The following GALNT9 variants were observed in gnomAD, a reference collection of about 807,000 sequenced individuals.
The protein encoded by GALNT9 is polypeptide N-acetylgalactosaminyltransferase 9.
In GALNT9, 47 loss-of-function variants were observed where a neutral mutation model predicts 63.1. The ratio of observed to expected loss-of-function variants is 0.75; its 90% CI spans 0.59 to 0.95. GALNT9 has a LOEUF of 0.95. Ranked by LOEUF, GALNT9 falls within the 40% of genes least tolerant of loss-of-function variation. The probability of loss-of-function intolerance (pLI) is 0.00; values close to 1 mark genes in which losing one functional copy is unlikely to be tolerated. For synonymous variants in GALNT9, 396 were observed against 365.7 expected, an observed-to-expected ratio of 1.08 and a Z score of -0.94; for missense variants, 829 against 874.8, an observed-to-expected ratio of 0.95 and a Z score of 0.66.
At chr12:132,302,944 A>AG (rs1172766818) in intron 1 of GALNT9, among the ~76,000 whole-genome samples, 2 of 149,592 alleles carry the variant, frequency 1.3e-5, no homozygotes, top group Non-Finnish European at 3.0e-5. Context: ...TTCTATGCAG[A>AG]GGGACCACTC....
At chr12:132,293,837 A>G (rs1447125988) in intron 1 of GALNT9, among the ~76,000 whole-genome samples, 9 of 151,626 alleles carry the variant, frequency 5.9e-5, no homozygotes, top group African/African-American at 2.2e-4. Context: ...AAGCCGGGGG[A>G]TCCCGTGTAG....
intron 1 of GALNT9, among the ~76,000 whole-genome samples, chr12:132,304,391 G>A (rs1179278472): frequency 2.8e-5 from 3 of 108,188 alleles, no homozygotes. Flanking sequence ...ACCCTCACCG[G>A]GGCACACCCT....
intron 2 of GALNT9, among the ~76,000 whole-genome samples, chr12:132,267,635 T>C (rs924731030): frequency 2.0e-5 from 3 of 152,218 alleles, no homozygotes; most frequent in Non-Finnish European, 4.4e-5. Context: ...ACCACAGCCA[T>C]TGGCAGGGCA....
chr12:132,244,711 G>A (rs1555237849), intron 6 of GALNT9, among the ~76,000 whole-genome samples: 1 of 41,710 alleles, frequency 2.4e-5, no homozygotes, highest in Non-Finnish European at 4.3e-5. Context: ...ACGGGGGGGC[G>A]TGGTGATGGG....
chr12:132,293,353 G>A (rs1566015812), intron 1 of GALNT9, among the ~76,000 whole-genome samples: 1 of 152,236 alleles, frequency 6.6e-6, no homozygotes, highest in Non-Finnish European at 1.5e-5. Flanking sequence ...GGAGCCTCTG[G>A]CCACAGGCTT....
At chr12:132,271,999 G>C (rs1879884026) in intron 2 of GALNT9, among the ~76,000 whole-genome samples, 1 of 152,108 alleles carries the variant, frequency 6.6e-6, no homozygotes, top group Non-Finnish European at 1.5e-5. Flanking sequence ...CCAGTCACCA[G>C]CCACTGCCAG....
rs1555245655 is a variant in GALNT9, at chr12:132,316,006, G to C, written c.238+12960C>G. 1.3e-5 allele frequency among the ~76,000 whole-genome samples: 2 copies of C among 152,212 alleles called. No individual in the cohort carries two copies. The highest frequency in any genetic ancestry group is 2.4e-5 in the African/African-American group (1 of 41,454). On this transcript the variant is annotated intron_variant, in intron 1 of 10. Coordinates refer to ENST00000328957, the MANE Select transcript of GALNT9 (RefSeq NM_001122636.2). The surrounding 1 kb of genome is among the most constrained non-coding windows in gnomAD (Gnocchi z 4.3). The stretch of plus-strand genomic sequence containing the variant: ...GTGGGGACGCGGGGTCCTGGAGAGG[G>C]CACGGCAGGCAGGCAGCCCCCGAAA...
rs1051727672 is a variant in GALNT9 at position 132,236,228 on chromosome 12, C to T, written c.1077+11682G>A. Among the ~76,000 whole-genome samples the T allele has an allele frequency of 1.5e-4, 23 of 151,812 alleles. No homozygotes were observed. Among genetic ancestry groups the T allele is most frequent in the African/African-American group, 3.9e-4 (16 of 41,408 alleles). On this transcript the variant is annotated intron_variant, in intron 6 of 10. Coordinates refer to ENST00000328957, the MANE Select transcript of GALNT9 (RefSeq NM_001122636.2). The surrounding 1 kb of genome is among the most constrained non-coding windows in gnomAD (Gnocchi z 5.6). Reference sequence around the variant, plus strand: ...GCCTCCCTCCCCCAGGCATCGATCTCGTGAATAAATCAGCAATGACAGCCC... The same window carrying T: ...GCCTCCCTCCCCCAGGCATCGATCTTGTGAATAAATCAGCAATGACAGCCC...
rs78370891 is a variant in GALNT9, at chr12:132,286,282, G to A, written c.387C>T (p.Leu129=). 0.099 allele frequency: 154,042 copies of A among 1,551,078 alleles called. 8,566 individuals carry two copies. Among genetic ancestry groups the A allele is most frequent in the Non-Finnish European group, 0.11 (129,096 of 1,146,804 alleles). The change falls in exon 2 of 11, where the codon CTC becomes CTT. Residue 129 remains leucine, a synonymous_variant. Coordinates refer to ENST00000328957, the MANE Select transcript of GALNT9 (RefSeq NM_001122636.2). This position sits in a 1 kb window ranked among gnomAD's most constrained non-coding sequence, Gnocchi z 7.4. ...GCCGGTAGTCGGGGATGCTCCGATC[G>A]AGGGAGATGCGGTCGCTGAGCTGAG... ...YNAQLSDRIS[L]DRSIPDYRPR... is the part of the protein sequence containing the mutation.
At chr12:132,302,194 T>C (rs1555243890) in intron 1 of GALNT9, among the ~76,000 whole-genome samples, 1 of 150,000 alleles carries the variant, frequency 6.7e-6, no homozygotes, top group Non-Finnish European at 1.5e-5. Context: ...TCACTTCTGA[T>C]TGGAAAAGTC....
At chr12:132,275,709 A>G (rs886122800) in intron 2 of GALNT9, 19 of 152,304 alleles carry the variant, frequency 1.2e-4, no homozygotes, top group African/African-American at 4.3e-4. Context: ...AACCCACATA[A>G]TGCAAGTCTG....
At chr12:132,313,539 CACCCACCCATCT>C (rs1881897265) in intron 1 of GALNT9, among the ~76,000 whole-genome samples, 1 of 129,110 alleles carries the variant, frequency 7.7e-6, no homozygotes, top group African/African-American at 2.9e-5. Context: ...CCCACCCATC[CACCCACCCATCT>C]ACCCACCCAT....
In GALNT9 at chr12:132,296,069, C is replaced by G. The variant is rs1387274884; in HGVS notation, c.239-9639G>C. 2.7e-5 allele frequency among the ~76,000 whole-genome samples: 4 copies of G among 150,330 alleles called. No homozygotes were observed. Among genetic ancestry groups the G allele is most frequent in the Non-Finnish European group, 5.9e-5 (4 of 67,716 alleles). The stretch of plus-strand genomic sequence containing the variant: ...GAGAGCCTCTGAACAGGGAGAGGCT[C>G]CGGAACAGGGAGAGCCTCCGAACAG... On this transcript the variant is annotated intron_variant, in intron 1 of 10. Coordinates refer to ENST00000328957, the MANE Select transcript of GALNT9 (RefSeq NM_001122636.2). This position sits in a 1 kb window ranked among gnomAD's most constrained non-coding sequence, Gnocchi z 4.2.
chr12:132,262,705 G>A lies in GALNT9; in HGVS notation c.420-80C>T. On this transcript the variant is annotated intron_variant, in intron 2 of 10. Coordinates refer to ENST00000328957, the MANE Select transcript of GALNT9 (RefSeq NM_001122636.2). ...AGCCATAGCTCATCTGTCTGCACCT[G>A]CAGGAGACACGGTTTGGGGTGCGGT... 2.8e-6 allele frequency: 4 copies of A among 1,432,006 alleles called. No homozygotes were observed. The East Asian group carries it at 7.7e-5, about 28-fold the overall frequency. The allele number at this position is 1,432,006 out of a possible 1,614,324, so 88.7% of individuals were successfully genotyped here. A position where few individuals can be genotyped will look rare whatever the true frequency, so the allele number is the denominator to read the frequency against.
chr12:132,309,905 GAC>G (rs1328765101), intron 1 of GALNT9, among the ~76,000 whole-genome samples: 5 of 152,238 alleles, frequency 3.3e-5, no homozygotes, highest in Admixed American at 6.5e-5. Context: ...GCAGCAGAAC[GAC>G]AGTTTGCTTG....
intron 2 of GALNT9, among the ~76,000 whole-genome samples, chr12:132,262,840 G>A (rs1041231158): frequency 6.6e-6 from 1 of 151,182 alleles, no homozygotes; most frequent in African/African-American, 2.5e-5. Flanking sequence ...CGGGAGCCAG[G>A]TGCACCCTTC....
intron 6 of GALNT9, among the ~76,000 whole-genome samples, chr12:132,241,528 CCCCCTTCCCGGGGCCCTCCCT>C (rs1878353448): frequency 1.6e-5 from 2 of 124,210 alleles, no homozygotes; most frequent in African/African-American, 3.4e-5. Flanking sequence ...ACACGCCACA[CCCCCTTCCCGGGGCCCTCCCT>C]ATACCCATTA....
In GALNT9 at chr12:132,238,182, G is replaced by A. The variant is rs1032847628; in HGVS notation, c.1077+9728C>T. Among the ~76,000 whole-genome samples, 12 of 152,314 alleles carry A rather than the reference G, an allele frequency of 7.9e-5. No homozygotes were observed. Among genetic ancestry groups the A allele is most frequent in the African/African-American group, 2.6e-4 (11 of 41,560 alleles). On this transcript the variant is annotated intron_variant, in intron 6 of 10. Transcript: ENST00000328957. This position sits in a 1 kb window ranked among gnomAD's most constrained non-coding sequence, Gnocchi z 6.5. Reference sequence around the variant, plus strand: ...CTGATGCTTCCAAGGCTAAGGACGCGGGCAGGGGCTGCTCAGGACCCAGGA... The same window carrying A: ...CTGATGCTTCCAAGGCTAAGGACGCAGGCAGGGGCTGCTCAGGACCCAGGA...
chr12:132,313,523 T>TCC (rs1881895716), intron 1 of GALNT9, among the ~76,000 whole-genome samples: 2 of 26,472 alleles, frequency 7.6e-5, no homozygotes, highest in African/African-American at 1.6e-4. Context: ...CCCATCCACT[T>TCC]ACCCACCCAC....
Sources: allele counts gnomAD v4.1 joint callset (sites outside exome capture counted in the v4.1 genomes callset), GRCh38; gene constraint gnomAD v4.1.1; non-coding constraint Gnocchi (gnomAD v3.1); transcripts MANE v1.5; gene names NCBI Gene and HGNC (gene_info 2026-07-23, HGNC 2026-07-21).